The following MAML2 variants were observed in gnomAD, a reference collection of about 807,000 sequenced individuals.
MAML2 encodes the protein mastermind-like protein 2.
A neutral mutation model predicts 96.1 loss-of-function variants in MAML2; 22 were observed. That is an observed-to-expected ratio of 0.23 (90% CI 0.16 to 0.33). The LOEUF (loss-of-function observed/expected upper bound fraction) is 0.33, where lower values mean the gene tolerates loss of function less well. MAML2 is among the 10% of genes least tolerant of loss of function. The pLI is 1.00. For missense variants in MAML2, 1,367 were observed against 1,392.4 expected, an observed-to-expected ratio of 0.98 and a Z score of 0.29; for synonymous variants, 561 against 521.3, an observed-to-expected ratio of 1.08 and a Z score of -1.04.
At chr11:96,117,724 C>G (rs1051073622) in intron 1 of MAML2, among the ~76,000 whole-genome samples, 1 of 152,174 alleles carries the variant, frequency 6.6e-6, no homozygotes, top group African/African-American at 2.4e-5. Flanking sequence ...CCAGAAGATT[C>G]TTAGAACAAA....
chr11:96,026,732 G>A (rs1046166368), intron 2 of MAML2, among the ~76,000 whole-genome samples: 2 of 151,394 alleles, frequency 1.3e-5, no homozygotes, highest in African/African-American at 4.9e-5. Flanking sequence ...AGATGGAAAG[G>A]AGGGATGATG....
intron 1 of MAML2, among the ~76,000 whole-genome samples, chr11:96,190,228 C>A (rs1359073755): frequency 6.6e-5 from 10 of 152,216 alleles, no homozygotes. Context: ...AGGCACTGAT[C>A]CAGACTTCTT....
chr11:96,058,294 TTTTG>T (rs6144460), intron 2 of MAML2, among the ~76,000 whole-genome samples: 2 of 151,112 alleles, frequency 1.3e-5, no homozygotes, highest in South Asian at 2.1e-4. Context: ...TCCAAGCAGT[TTTTG>T]TTTGTTTGTT....
chr11:96,115,163 G>GC (rs1258859840), intron 1 of MAML2, among the ~76,000 whole-genome samples: 2 of 150,890 alleles, frequency 1.3e-5, no homozygotes, highest in Non-Finnish European at 3.0e-5. Flanking sequence ...GTCTTTTTTT[G>GC]CTTTTTTTTT....
chr11:96,285,664 A>G (rs516174), intron 1 of MAML2, among the ~76,000 whole-genome samples: 109,468 of 152,008 alleles, frequency 0.72, 39,456 homozygotes, highest in East Asian at 0.83. Flanking sequence ...GTAGGCAAAC[A>G]ACACGAACAG....
At chr11:96,097,409 G>T (rs571458594) in intron 1 of MAML2, among the ~76,000 whole-genome samples, 3 of 152,284 alleles carry the variant, frequency 2.0e-5, no homozygotes, top group African/African-American at 7.2e-5. Context: ...CTTTTGGGTG[G>T]CTGGAAGAAA....
intron 1 of MAML2, among the ~76,000 whole-genome samples, chr11:96,296,375 TG>T (rs1464868577): frequency 6.6e-6 from 1 of 152,202 alleles, no homozygotes; most frequent in East Asian, 1.9e-4. Context: ...CCGAGCACGG[TG>T]GCTCACACCT....
At chr11:96,326,832 C>T (rs572596574) in intron 1 of MAML2, among the ~76,000 whole-genome samples, 1 of 152,134 alleles carries the variant, frequency 6.6e-6, no homozygotes, top group East Asian at 1.9e-4. Context: ...AGCCATTCAT[C>T]TGGTCATTGA....
In MAML2 at chr11:95,978,905, C is replaced by A; in HGVS notation, c.*43G>T. On this transcript the variant is annotated 3_prime_UTR_variant, in exon 5 of 5. Transcript: ENST00000524717. ...TCTACAGAGTTTCTGTAATATACTG[C>A]CTTTTAGTGCTTGGAGTTTGTAAAT... 6.5e-7 allele frequency: 1 copy of A among 1,530,532 alleles called. No individual in the cohort carries two copies. Among genetic ancestry groups the A allele is most frequent in the Admixed American group, 2.0e-5 (1 of 50,294 alleles). 94.8% of individuals were successfully genotyped at this position (1,530,532 alleles called of 1,614,324 possible).
chr11:96,180,477 A>C (rs1189077652), intron 1 of MAML2, among the ~76,000 whole-genome samples: 1 of 152,186 alleles, frequency 6.6e-6, no homozygotes, highest in Non-Finnish European at 1.5e-5. Flanking sequence ...TCACAGAGAG[A>C]GACTACATGT....
intron 1 of MAML2, among the ~76,000 whole-genome samples, chr11:96,228,392 G>A (rs1203797843): frequency 1.3e-5 from 2 of 152,130 alleles, no homozygotes; most frequent in African/African-American, 4.8e-5. Flanking sequence ...ATGACACTGT[G>A]TAGAGCTAGG....
At chr11:96,056,953 A>G (rs1859079733) in intron 2 of MAML2, among the ~76,000 whole-genome samples, 1 of 152,220 alleles carries the variant, frequency 6.6e-6, no homozygotes, top group African/African-American at 2.4e-5. Context: ...TGTCCTTGAA[A>G]TGAAATTTGT....
rs1334310475 is a variant in MAML2, at chr11:96,342,030, T to A, written c.-135A>T. On this transcript the variant is annotated 5_prime_UTR_variant, in exon 1 of 5. Coordinates refer to ENST00000524717, the MANE Select transcript of MAML2 (RefSeq NM_032427.4). ...CACATGAATAGAGGTCTTCAGAGGT[T>A]GTGGGGGAGCCGTGGAGAAGTTGTG... 1 of 833,182 alleles carries A rather than the reference T, an allele frequency of 1.2e-6. No homozygotes were observed. Among genetic ancestry groups the A allele is most frequent in the African/African-American group, 1.7e-5 (1 of 58,170 alleles). 51.6% of individuals were successfully genotyped at this position (833,182 alleles called of 1,614,324 possible). A position where few individuals can be genotyped will look rare whatever the true frequency, so the allele number is the denominator to read the frequency against.
At chr11:96,228,222 A>G (rs1199086826) in intron 1 of MAML2, among the ~76,000 whole-genome samples, 1 of 152,126 alleles carries the variant, frequency 6.6e-6, no homozygotes, top group East Asian at 1.9e-4. Flanking sequence ...GTTTCCAGAC[A>G]TTTTTGCTGC....
At chr11:96,270,424 C>T (rs770272876) in intron 1 of MAML2, among the ~76,000 whole-genome samples, 3 of 152,288 alleles carry the variant, frequency 2.0e-5, no homozygotes, top group Non-Finnish European at 4.4e-5. Context: ...ATTGTCCTGA[C>T]TCAGCCTCCC....
At chr11:96,237,238 T>C (rs1278520991) in intron 1 of MAML2, among the ~76,000 whole-genome samples, 2 of 152,190 alleles carry the variant, frequency 1.3e-5, no homozygotes. Flanking sequence ...CAGATCCTGC[T>C]TAAGTCCCAT....
chr11:96,199,316 C>G (rs1352586534), intron 1 of MAML2, among the ~76,000 whole-genome samples: 1 of 152,002 alleles, frequency 6.6e-6, no homozygotes, highest in Non-Finnish European at 1.5e-5. Flanking sequence ...CAGGGAAGCC[C>G]CATGATAAGG....
intron 1 of MAML2, among the ~76,000 whole-genome samples, chr11:96,279,603 C>T (rs1268287598): frequency 6.6e-6 from 1 of 152,174 alleles, no homozygotes. Context: ...CTAGGTCTCT[C>T]CTGTCCTCAA....
At chr11:96,029,726 T>C (rs1858581534) in intron 2 of MAML2, among the ~76,000 whole-genome samples, 1 of 152,202 alleles carries the variant, frequency 6.6e-6, no homozygotes, top group Admixed American at 6.5e-5. Context: ...GGCTTAAAGC[T>C]CTGACTTTCT....
Sources: allele counts gnomAD v4.1 joint callset (sites outside exome capture counted in the v4.1 genomes callset), GRCh38; gene constraint gnomAD v4.1.1; transcripts MANE v1.5; gene names NCBI Gene and HGNC (gene_info 2026-07-23, HGNC 2026-07-21).